The following TPRX1 variants were observed in gnomAD, a reference collection of about 807,000 sequenced individuals.
TPRX1 encodes the protein tetrapeptide repeat homeobox 1, also known as tetra-peptide repeat homeobox protein 1.
In TPRX1, 2 loss-of-function variants were observed where a neutral mutation model predicts 8.1. That is an observed-to-expected ratio of 0.25 (90% CI 0.10 to 0.78). The LOEUF (loss-of-function observed/expected upper bound fraction) is 0.78. Among genes scored for constraint, TPRX1 ranks in the 30% least tolerant of loss-of-function variants. The pLI, the probability that TPRX1 is intolerant of heterozygous loss-of-function variation, is 0.70. For missense variants in TPRX1, 517 were observed against 586.9 expected, an observed-to-expected ratio of 0.88 and a Z score of 1.23; for synonymous variants, 257 against 254.1, an observed-to-expected ratio of 1.01 and a Z score of -0.11.
exon 4 of TPRX1, chr19:47,802,303 T>C (rs1967676293): frequency 7.6e-7 from 1 of 1,314,982 alleles, no homozygotes; most frequent in Admixed American, 2.2e-5. Flanking sequence ...GGATCGGGCC[T>C]GGGTTCGGGC....
In TPRX1 at chr19:47,802,298, G is replaced by C. The variant is rs147380237; in HGVS notation, c.1004C>G (p.Pro335Arg). Residue 335 changes from proline (P) to arginine (R), a missense_variant, in exon 4 of 4, where the codon CCG becomes CGG. Physicochemically the swap from Pro to Arg is moderately radical, Grantham distance 103 (BLOSUM62 -2). Around this residue, in one of 3 missense-constraint regions of TPRX1, gnomAD observed 506 missense variants for 515.5 expected, o/e 0.98. Coordinates refer to ENST00000535759, the Ensembl canonical transcript of TPRX1. ...CGGGCCTGAGATTGGGCCTGGGATC[G>C]GGCCTGGGTTCGGGCCTGAGATTGG... 5 of 1,308,472 alleles carry C rather than the reference G, an allele frequency of 3.8e-6. No homozygotes were observed. The South Asian group carries it at 5.2e-5, about 14-fold the overall frequency. 81.1% of individuals were successfully genotyped at this position (1,308,472 alleles called of 1,614,324 possible). A position where few individuals can be genotyped will look rare whatever the true frequency, so the allele number is the denominator to read the frequency against.
At chr19:47,818,109 A>G (rs927310962) in intron 2 of TPRX1, among the ~76,000 whole-genome samples, 4 of 152,202 alleles carry the variant, frequency 2.6e-5, no homozygotes, top group Admixed American at 2.6e-4. Context: ...CAGTGCTGCA[A>G]TCACAGACCC....
chr19:47,805,041 T>A (rs551133408), intron 2 of TPRX1, among the ~76,000 whole-genome samples: 2 of 152,302 alleles, frequency 1.3e-5, no homozygotes, highest in East Asian at 3.9e-4. Context: ...AACCTCCTCT[T>A]TGGTACCTCA....
At chr19:47,815,143 TGCAA>T (rs1434753384) in intron 2 of TPRX1, among the ~76,000 whole-genome samples, 1,255 of 76,752 alleles carry the variant, frequency 0.016, 29 homozygotes, top group African/African-American at 0.049. Flanking sequence ...TATATATATA[TGCAA>T]ATATATATAT....
At chr19:47,802,215 T>C in exon 4 of TPRX1, 2 of 1,599,456 alleles carry the variant, frequency 1.3e-6, no homozygotes, top group South Asian at 2.2e-5. Flanking sequence ...ATCGGGCCTA[T>C]AATTGGGCCT....
chr19:47,807,029 C>T (rs994666474), intron 2 of TPRX1, among the ~76,000 whole-genome samples: 9 of 151,940 alleles, frequency 5.9e-5, no homozygotes, highest in Non-Finnish European at 5.9e-5. Flanking sequence ...CTCAGTCGCC[C>T]AAGTAGCTGG....
chr19:47,802,884 C>G, exon 4 of TPRX1: 1 of 1,585,618 alleles, frequency 6.3e-7, no homozygotes, highest in South Asian at 1.1e-5. Context: ...AGGGGCGCAG[C>G]GCGGGCTCCT....
At chr19:47,815,639 G>A (rs36123685) in intron 2 of TPRX1, among the ~76,000 whole-genome samples, 32,945 of 112,458 alleles carry the variant, frequency 0.29, 4,786 homozygotes, top group Middle Eastern at 0.43. Context: ...TGAGACCCCC[G>A]TCTCTACAAA....
chr19:47,801,997 G>C lies in TPRX1; in HGVS notation c.1305C>G (p.Pro435=), dbSNP rs369241122. 64 of 1,613,432 alleles carry C rather than the reference G, an allele frequency of 4.0e-5. 2 individuals are homozygous for C. In the South Asian group the frequency reaches 6.4e-4, roughly 16 times the overall value. ...TGTCTGGCAAGAAGTCGGAGGCATC[G>C]GGGCTCTGAGGCCATAAGGGGGCTG... The change falls in exon 4 of 4, where the codon CCC becomes CCG. Residue 435 remains proline (P), a synonymous_variant. Coordinates refer to ENST00000535759, the Ensembl canonical transcript of TPRX1.
At chr19:47,806,562 G>T (rs1470152959) in intron 2 of TPRX1, among the ~76,000 whole-genome samples, 1 of 151,886 alleles carries the variant, frequency 6.6e-6, no homozygotes, top group Non-Finnish European at 1.5e-5. Context: ...ACAAAAAATA[G>T]AAACCCAAAA....
chr19:47,805,651 G>C (rs17206616), intron 2 of TPRX1, among the ~76,000 whole-genome samples: 10,109 of 152,152 alleles, frequency 0.066, 444 homozygotes, highest in Middle Eastern at 0.11. Context: ...CTGCTACTTA[G>C]AGTTCTGCTG....
At chr19:47,802,212 C>T in exon 4 of TPRX1, 5 of 1,611,774 alleles carry the variant, frequency 3.1e-6, no homozygotes, top group Non-Finnish European at 4.2e-6. Context: ...GGAATCGGGC[C>T]TATAATTGGG....
intron 2 of TPRX1, among the ~76,000 whole-genome samples, chr19:47,815,163 T>TATATATGCAAATATATATATATATATATA (rs201060804): frequency 7.0e-5 from 6 of 86,274 alleles, no homozygotes; most frequent in African/African-American, 2.3e-4. Context: ...TATATATATA[T>TATATATGCAAATATATATATATATATATA]TTTTTTTTTT....
chr19:47,802,737 G>A (rs1363728143), exon 4 of TPRX1: 3 of 1,601,908 alleles, frequency 1.9e-6, no homozygotes, highest in African/African-American at 1.3e-5. Flanking sequence ...CCTGGACTCA[G>A]GGCAGCTGGG....
chr19:47,802,717 C>A (rs999094996), exon 4 of TPRX1: 4 of 1,591,150 alleles, frequency 2.5e-6, no homozygotes, highest in African/African-American at 2.7e-5. Context: ...GGGCAGGGAT[C>A]GGGCCAGGGC....
intron 2 of TPRX1, among the ~76,000 whole-genome samples, chr19:47,803,908 C>A (rs984417937): frequency 6.6e-6 from 1 of 152,046 alleles, no homozygotes; most frequent in South Asian, 2.1e-4. Flanking sequence ...CGCCTCACCT[C>A]GGAGCAGACG....
At chr19:47,809,629 A>G (rs1025512027) in intron 2 of TPRX1, among the ~76,000 whole-genome samples, 1 of 152,132 alleles carries the variant, frequency 6.6e-6, no homozygotes, top group Non-Finnish European at 1.5e-5. Context: ...AAAAGTAATT[A>G]CCCAGAGATG....
chr19:47,807,710 G>A (rs183437750), intron 2 of TPRX1, among the ~76,000 whole-genome samples: 7 of 152,240 alleles, frequency 4.6e-5, no homozygotes, highest in African/African-American at 9.6e-5. Context: ...TTTATATTAC[G>A]TGGATGACAT....
At chr19:47,809,189 G>A (rs550880335) in intron 2 of TPRX1, among the ~76,000 whole-genome samples, 21 of 152,150 alleles carry the variant, frequency 1.4e-4, no homozygotes, top group African/African-American at 4.8e-4. Context: ...TGCTGTCTCA[G>A]GCACATTGTT....
Sources: gnomAD v4.1 joint callset for allele counts (sites outside exome capture counted in the v4.1 genomes callset) on GRCh38, gnomAD v4.1.1 for gene constraint, gnomAD v4.1.1 regional missense constraint, MANE v1.5 for transcripts, NCBI Gene and HGNC (gene_info 2026-07-23, HGNC 2026-07-21) for gene names.